MBD5: variants seen among roughly 807,000 people sequenced by gnomAD.
MBD5 encodes methyl-CpG binding domain protein 5, also known as methyl-CpG-binding domain protein 5.
In MBD5, 13 loss-of-function variants were observed where a neutral mutation model predicts 117.3. The observed-to-expected ratio is 0.11, with a 90% CI of 0.07 to 0.18. The LOEUF is 0.18. MBD5 is among the 10% of genes least tolerant of loss of function. The pLI is 1.00. For missense variants in MBD5, 1,879 were observed against 2,093.8 expected (o/e 0.90, Z 2.00); for synonymous variants, 727 against 766.4 (o/e 0.95, Z 0.85).
At position 148,296,864 on chromosome 2, in the gene MBD5, A is replaced by ATTTTTTTTTTTTTTTTTTTT. The variant is rs757371602; in HGVS notation, c.-679-45349_-679-45330dup. 2.3e-3 allele frequency among the ~76,000 whole-genome samples: 143 copies of ATTTTTTTTTTTTTTTTTTTT among 61,330 alleles called. 24 individuals carry two copies. The highest frequency in any genetic ancestry group is 0.01 in the East Asian group (14 of 1,364). 40.2% of individuals were successfully genotyped at this position (61,330 alleles called of 152,430 possible). On this transcript the variant is annotated intron_variant, in intron 3 of 13. Transcript: ENST00000642680. ...AAGCATAGTTTGCTTTAGTTCTTCA[A>ATTTTTTTTTTTTTTTTTTTT]TTTTTTTTTTTTTTTTTTTTGGAGA...
chr2:148,146,773 A>AT (rs1257485574), intron 1 of MBD5, among the ~76,000 whole-genome samples: 1 of 151,944 alleles, frequency 6.6e-6, no homozygotes, highest in Non-Finnish European at 1.5e-5. Context: ...GGCTCTTTTA[A>AT]TTTTTTAATT....
intron 1 of MBD5, among the ~76,000 whole-genome samples, chr2:148,058,555 A>AT (rs1694939729): frequency 6.6e-6 from 1 of 151,408 alleles, no homozygotes; most frequent in Non-Finnish European, 1.5e-5. Context: ...TTAAAAAGAG[A>AT]TTTTCTGAGG....
chr2:148,409,605 C>T (rs1047184985), intron 4 of MBD5, among the ~76,000 whole-genome samples: 4 of 151,944 alleles, frequency 2.6e-5, no homozygotes, highest in South Asian at 2.1e-4. Context: ...AACACCTAGA[C>T]ATATATATAA....
intron 1 of MBD5, among the ~76,000 whole-genome samples, chr2:148,049,170 C>G (rs976628890): frequency 5.3e-5 from 8 of 152,180 alleles, no homozygotes; most frequent in Non-Finnish European, 1.0e-4. Flanking sequence ...TGGCATCAAC[C>G]TGTGTATTCA....
intron 4 of MBD5, among the ~76,000 whole-genome samples, chr2:148,381,848 T>C (rs368507022): frequency 1.3e-5 from 2 of 152,090 alleles, no homozygotes; most frequent in East Asian, 3.9e-4. Context: ...ATTTCATATC[T>C]AGCCAAACTA....
chr2:148,249,383 A>C (rs555839156), intron 3 of MBD5, among the ~76,000 whole-genome samples: 13 of 152,312 alleles, frequency 8.5e-5, no homozygotes, highest in African/African-American at 3.1e-4. Flanking sequence ...ATCCACTGCC[A>C]TGAGTTCTTC....
In MBD5 at chr2:148,468,486, A is replaced by G. The variant is rs1490737878; in HGVS notation, c.543A>G (p.Leu181=). The change falls in exon 8 of 14, where the codon CTA becomes CTG. Residue 181 remains leucine, a synonymous_variant. Transcript: ENST00000642680. ...GATCATCAAATGCCATGGGAAGGCTATATGTACAAGAACTGCCTGGAAGCC... is the reference window on the plus strand; with the variant it reads ...GATCATCAAATGCCATGGGAAGGCTGTATGTACAAGAACTGCCTGGAAGCC... ...MIGSSNAMGR[L]YVQELPGSQQ... is the part of the protein sequence containing the mutation. The G allele has an allele frequency of 5.0e-6, 8 of 1,613,730 alleles. No homozygotes were observed. Among genetic ancestry groups the G allele is most frequent in the Admixed American group, 1.7e-5 (1 of 59,978 alleles).
intron 4 of MBD5, among the ~76,000 whole-genome samples, chr2:148,351,018 A>T (rs956273038): frequency 2.6e-5 from 4 of 152,030 alleles, no homozygotes; most frequent in Non-Finnish European, 5.9e-5. Flanking sequence ...TCACTAGCAA[A>T]CCTTAACAGA....
chr2:148,085,677 T>G (rs1015911196), intron 1 of MBD5, among the ~76,000 whole-genome samples: 1 of 150,248 alleles, frequency 6.7e-6, no homozygotes, highest in African/African-American at 2.5e-5. Context: ...TGAGCCGAGA[T>G]CCCGCCACTG....
rs1353826385 is a variant in MBD5, at chr2:148,057,933, T to TA, written c.-925+36252dup. Among the ~76,000 whole-genome samples, 3 of 152,086 alleles carry TA rather than the reference T, an allele frequency of 2.0e-5. No individual in the cohort carries two copies. In the South Asian group the frequency reaches 6.2e-4, roughly 31 times the overall value. On this transcript the variant is annotated intron_variant, in intron 1 of 13. Coordinates refer to ENST00000642680, the MANE Select transcript of MBD5 (RefSeq NM_001378120.1). ...CTGGGTCATGCAATAAGCACTAGTG[T>TA]AAATCTGGTTCAAGTTTATTGATTT...
At chr2:148,414,382 A>G (rs1175679724) in intron 4 of MBD5, among the ~76,000 whole-genome samples, 4 of 152,146 alleles carry the variant, frequency 2.6e-5, no homozygotes, top group Admixed American at 2.0e-4. Context: ...TTACAGCCAA[A>G]TGTGCAGTCA....
chr2:148,443,219 G>A (rs1286925983), intron 4 of MBD5, among the ~76,000 whole-genome samples: 1 of 151,274 alleles, frequency 6.6e-6, no homozygotes, highest in African/African-American at 2.5e-5. Flanking sequence ...AGTTAGAATG[G>A]CTTTTATCCA....
At chr2:148,234,452 T>G (rs1026535190) in intron 3 of MBD5, among the ~76,000 whole-genome samples, 20 of 152,300 alleles carry the variant, frequency 1.3e-4, no homozygotes, top group Admixed American at 9.8e-4. Context: ...AATTCTTGCT[T>G]TTCTGTTGGG....
intron 1 of MBD5, among the ~76,000 whole-genome samples, chr2:148,031,513 G>T (rs1694040474): frequency 6.6e-6 from 1 of 152,116 alleles, no homozygotes; most frequent in South Asian, 2.1e-4. Context: ...ATTTTTACTA[G>T]TTTGAAAGCT....
intron 2 of MBD5, among the ~76,000 whole-genome samples, chr2:148,180,338 T>TCATACATATATA (rs1698495682): frequency 7.3e-5 from 1 of 13,668 alleles, no homozygotes; most frequent in East Asian, 2.7e-3. Context: ...TAAAAAAAAA[T>TCATACATATATA]TATACATATA....
intron 4 of MBD5, among the ~76,000 whole-genome samples, chr2:148,445,356 A>G (rs1179965286): frequency 6.7e-6 from 1 of 149,594 alleles, no homozygotes; most frequent in East Asian, 2.0e-4. Context: ...CTCATTGTTC[A>G]GTTCTCACCT....
intron 3 of MBD5, among the ~76,000 whole-genome samples, chr2:148,314,702 G>A (rs918888129): frequency 6.6e-6 from 1 of 151,892 alleles, no homozygotes; most frequent in Non-Finnish European, 1.5e-5. Context: ...ACAAGTGCTG[G>A]GATTACAGAC....
rs559491045 is a variant in MBD5, at chr2:148,226,176, G to A, written c.-830-7069G>A. 5.1e-3 allele frequency among the ~76,000 whole-genome samples: 771 copies of A among 151,292 alleles called. 6 individuals carry two copies. Among genetic ancestry groups the A allele is most frequent in the African/African-American group, 0.018 (743 of 41,236 alleles). On this transcript the variant is annotated intron_variant, in intron 2 of 13. Coordinates refer to ENST00000642680, the MANE Select transcript of MBD5 (RefSeq NM_001378120.1). ...TTTGCACAATGTGCAGGTTTGTTAT[G>A]TATGTTCATATGTGCCATGTTGGTG... is the stretch of plus-strand genomic sequence containing the variant.
rs59959562 is a variant in MBD5 at position 148,173,504 on chromosome 2, C to T, written c.-924-5196C>T. On this transcript the variant is annotated intron_variant, in intron 1 of 13. Coordinates refer to ENST00000642680, the MANE Select transcript of MBD5 (RefSeq NM_001378120.1). Reference sequence around the variant, plus strand: ...ATCTGGGCCAGTATCATGAGCTGAACTCAGTCTGCGTGCTCAAGTGGACAG... The same window carrying T: ...ATCTGGGCCAGTATCATGAGCTGAATTCAGTCTGCGTGCTCAAGTGGACAG... Among the ~76,000 whole-genome samples the T allele has an allele frequency of 2.5e-3, 377 of 151,646 alleles. 1 individual carries two copies. Among genetic ancestry groups the T allele is most frequent in the African/African-American group, 8.5e-3 (352 of 41,310 alleles).
Sources: gnomAD v4.1 joint callset for allele counts (sites outside exome capture counted in the v4.1 genomes callset) on GRCh38, gnomAD v4.1.1 for gene constraint, MANE v1.5 for transcripts, NCBI Gene and HGNC (gene_info 2026-07-23, HGNC 2026-07-21) for gene names.